NXN: variants seen among roughly 807,000 people sequenced by gnomAD.
The protein encoded by NXN is nucleoredoxin 1.
In NXN, 16 loss-of-function variants were observed where a neutral mutation model predicts 48.6. That is an observed-to-expected ratio of 0.33 (90% CI 0.22 to 0.50). The LOEUF is 0.50. Among genes scored for constraint, NXN ranks in the 20% least tolerant of loss-of-function variants. The pLI is 0.98. For missense variants in NXN, 492 were observed against 605.5 expected (o/e 0.81, Z 1.97); for synonymous variants, 281 against 269.6 (o/e 1.04, Z -0.41).
chr17:908,605 A>G (rs913800213), intron 1 of NXN, among the ~76,000 whole-genome samples: 2 of 152,170 alleles, frequency 1.3e-5, no homozygotes, highest in Non-Finnish European at 2.9e-5. Flanking sequence ...GGTTAAACCA[A>G]ATAGTCCACG....
intron 2 of NXN, among the ~76,000 whole-genome samples, chr17:824,036 AT>A (rs11345667): frequency 0.41 from 48,265 of 116,446 alleles, 9,134 homozygotes; most frequent in African/African-American, 0.49. Flanking sequence ...TTCCAGGGAC[AT>A]TTTTTTTTTT....
At chr17:819,686 A>T (rs901154521) in intron 4 of NXN, 141 bp from the exon 5 acceptor site, 1 of 611,882 alleles carries the variant, frequency 1.6e-6, no homozygotes, top group Non-Finnish European at 2.9e-6. Flanking sequence ...GCAACAGGCT[A>T]TGGGAGTGTG....
chr17:948,062 C>CA (rs1432224153), intron 1 of NXN, among the ~76,000 whole-genome samples: 4 of 150,676 alleles, frequency 2.7e-5, no homozygotes, highest in Non-Finnish European at 4.4e-5. Flanking sequence ...CAAAACAAAA[C>CA]AAAAAAATCA....
chr17:858,603 C>T (rs973676884), intron 1 of NXN, among the ~76,000 whole-genome samples: 1 of 152,032 alleles, frequency 6.6e-6, no homozygotes, highest in Non-Finnish European at 1.5e-5. Context: ...TGGCGGGCGC[C>T]TGTAGTCCCA....
At chr17:863,357 CG>C (rs1253832396) in intron 1 of NXN, among the ~76,000 whole-genome samples, 1 of 151,824 alleles carries the variant, frequency 6.6e-6, no homozygotes, top group Non-Finnish European at 1.5e-5. Flanking sequence ...TTAGTAGAGA[CG>C]GGGTTTCACC....
intron 1 of NXN, among the ~76,000 whole-genome samples, chr17:972,336 G>A (rs966107987): frequency 6.6e-6 from 1 of 152,022 alleles, no homozygotes; most frequent in Non-Finnish European, 1.5e-5. Flanking sequence ...ACTTAGCCAG[G>A]CGTGGTGGCT....
intron 1 of NXN, among the ~76,000 whole-genome samples, chr17:851,496 C>A (rs914091581): frequency 1.3e-5 from 2 of 152,218 alleles, no homozygotes; most frequent in Admixed American, 1.3e-4. Flanking sequence ...GCAAAGTCAG[C>A]CAGGCTGGGA....
chr17:815,283 C>T (rs80048005), intron 5 of NXN, among the ~76,000 whole-genome samples: 24 of 137,774 alleles, frequency 1.7e-4, no homozygotes, highest in East Asian at 4.7e-4. Context: ...TTGAAGGCGA[C>T]AAGGCACCCA....
chr17:932,894 C>T lies in NXN; in HGVS notation c.360+46425G>A, dbSNP rs1292426178. On this transcript the variant is annotated intron_variant, in intron 1 of 7. Transcript: ENST00000336868. The surrounding 1 kb of genome is among the most constrained non-coding windows in gnomAD (Gnocchi z 4.1). ...AACTCCTGACCTCAGGTGATCCGCC[C>T]GCCTCGGCCTCCCTCAGTACTGGGA... 1.3e-5 allele frequency among the ~76,000 whole-genome samples: 2 copies of T among 152,166 alleles called. No individual in the cohort carries two copies. Among genetic ancestry groups the T allele is most frequent in the Non-Finnish European group, 2.9e-5 (2 of 68,030 alleles).
intron 1 of NXN, among the ~76,000 whole-genome samples, chr17:936,469 G>A (rs1005241511): frequency 3.3e-5 from 5 of 151,760 alleles, no homozygotes; most frequent in African/African-American, 7.3e-5. Context: ...CACACGCCGC[G>A]TGCTGCCACC....
rs1914193726 is a variant in NXN, at chr17:841,406, CCCCCTG to C, written c.361-15334_361-15329del. Among the ~76,000 whole-genome samples the C allele has an allele frequency of 8.2e-5, 10 of 122,226 alleles. 1 individual carries two copies. The highest frequency in any genetic ancestry group is 6.3e-4 in the East Asian group (3 of 4,736). 80.2% of individuals were successfully genotyped at this position (122,226 alleles called of 152,430 possible). ...TGCATCTCACGCCGGCGAGCAGGTC[CCCCCTG>C]ACCACGGCGCATCTCACACGGGCGA... On this transcript the variant is annotated intron_variant, in intron 1 of 7. Transcript: ENST00000336868.
At chr17:950,710 A>C in intron 1 of NXN, among the ~76,000 whole-genome samples, 1 of 152,112 alleles carries the variant, frequency 6.6e-6, no homozygotes, top group East Asian at 1.9e-4. Flanking sequence ...TTCCACTATA[A>C]GGAGGCTCAG....
At chr17:946,914 G>A (rs2069050279) in intron 1 of NXN, among the ~76,000 whole-genome samples, 1 of 152,208 alleles carries the variant, frequency 6.6e-6, no homozygotes, top group African/African-American at 2.4e-5. Flanking sequence ...AGCCTTGGCT[G>A]GTTATCACGC....
chr17:938,407 C>A (rs936674745), intron 1 of NXN, among the ~76,000 whole-genome samples: 6 of 152,226 alleles, frequency 3.9e-5, no homozygotes, highest in Non-Finnish European at 8.8e-5. Flanking sequence ...CCCGGCCGGG[C>A]GCGGCGGCTC....
chr17:960,004 A>T (rs1278258694), intron 1 of NXN, among the ~76,000 whole-genome samples: 1 of 152,048 alleles, frequency 6.6e-6, no homozygotes, highest in African/African-American at 2.4e-5. Flanking sequence ...AGGCAGGAGA[A>T]TCGCTTGAAC....
intron 1 of NXN, among the ~76,000 whole-genome samples, chr17:858,229 G>A (rs1257421132): frequency 6.6e-6 from 1 of 151,996 alleles, no homozygotes; most frequent in Non-Finnish European, 1.5e-5. Flanking sequence ...ATGTTGGCCA[G>A]GCTGGTCTTG....
intron 1 of NXN, among the ~76,000 whole-genome samples, chr17:907,484 T>C (rs1036413209): frequency 2.0e-5 from 3 of 151,930 alleles, no homozygotes; most frequent in African/African-American, 4.8e-5. Flanking sequence ...GGATTACAGG[T>C]GCCCGCCACC....
At chr17:953,220 G>T (rs2069131827) in intron 1 of NXN, among the ~76,000 whole-genome samples, 1 of 152,138 alleles carries the variant, frequency 6.6e-6, no homozygotes, top group Admixed American at 6.5e-5. Flanking sequence ...TTTGAGACCA[G>T]CCTGGCCAAC....
chr17:910,383 G>C (rs1309603308), intron 1 of NXN, among the ~76,000 whole-genome samples: 1 of 150,976 alleles, frequency 6.6e-6, no homozygotes, highest in African/African-American at 2.4e-5. Flanking sequence ...CTGCACTCCA[G>C]CCTGGGTGAC....
Sources: allele counts gnomAD v4.1 joint callset (sites outside exome capture counted in the v4.1 genomes callset), GRCh38; gene constraint gnomAD v4.1.1; non-coding constraint Gnocchi (gnomAD v3.1); transcripts MANE v1.5; gene names NCBI Gene and HGNC (gene_info 2026-07-23, HGNC 2026-07-21).